SEMA3D: variants seen among roughly 807,000 people sequenced by gnomAD.
SEMA3D encodes the protein semaphorin-3D.
A neutral mutation model predicts 100.1 loss-of-function variants in SEMA3D; 84 were observed. The observed-to-expected ratio is 0.84, with a 90% CI of 0.70 to 1.01. The LOEUF (loss-of-function observed/expected upper bound fraction) is 1.01, where lower values mean the gene tolerates loss of function less well. Among genes scored for constraint, SEMA3D ranks in the 50% least tolerant of loss-of-function variants. The pLI, the probability that SEMA3D is intolerant of heterozygous loss-of-function variation, is 0.00. For synonymous variants in SEMA3D, 312 were observed against 320.7 expected (o/e 0.97, Z 0.29); for missense variants, 875 against 934.1 (o/e 0.94, Z 0.82).
the SEMA3D span, among the ~76,000 whole-genome samples, chr7:85,238,262 A>G: frequency 2.6e-5 from 4 of 152,250 alleles, no homozygotes; most frequent in Non-Finnish European, 5.9e-5. Context: ...TTAGTGTCAT[A>G]TCTAAAAAGT....
intron 3 of SEMA3D, among the ~76,000 whole-genome samples, chr7:85,108,886 A>G (rs1329320785): frequency 6.6e-6 from 1 of 151,448 alleles, no homozygotes; most frequent in Non-Finnish European, 1.5e-5. Flanking sequence ...TTTTCCCCTC[A>G]GCTTTTTTTT....
At chr7:85,057,360 T>C (rs938670991) in intron 8 of SEMA3D, among the ~76,000 whole-genome samples, 3 of 151,990 alleles carry the variant, frequency 2.0e-5, no homozygotes, top group African/African-American at 7.2e-5. Flanking sequence ...TATTGAGAAA[T>C]GAAGGAAAGA....
At chr7:85,215,248 C>T in the SEMA3D span, among the ~76,000 whole-genome samples, 2 of 151,850 alleles carry the variant, frequency 1.3e-5, no homozygotes, top group Non-Finnish European at 2.9e-5. Context: ...GTGCAAATCA[C>T]AGGGCTTGAA....
intron 4 of SEMA3D, among the ~76,000 whole-genome samples, chr7:85,090,644 T>C (rs558546007): frequency 1.3e-5 from 2 of 152,306 alleles, no homozygotes; most frequent in South Asian, 2.1e-4. Flanking sequence ...TCTTAGAAGC[T>C]AAAGCATTAG....
At chr7:85,162,353 C>T (rs1230885821) in intron 1 of SEMA3D, among the ~76,000 whole-genome samples, 1 of 152,030 alleles carries the variant, frequency 6.6e-6, no homozygotes, top group African/African-American at 2.4e-5. Flanking sequence ...AAACCACACC[C>T]TTATCATAAG....
Position 85,089,099 on chromosome 7 carries a change from C to G in SEMA3D, c.313-7520G>C, listed in dbSNP as rs536671357. ...GTGAATGTGAGTCCCTACTGCATCG[C>G]CGCTTGGTTTGTGACCTTAGGTAGG... On this transcript the variant is annotated intron_variant, in intron 4 of 18. Transcript: ENST00000284136. 2.4e-4 allele frequency among the ~76,000 whole-genome samples: 37 copies of G among 152,250 alleles called. 1 individual carries two copies. The highest frequency in any genetic ancestry group is 3.8e-4 in the Non-Finnish European group (26 of 68,022).
At chr7:85,243,486 T>C in the SEMA3D span, among the ~76,000 whole-genome samples, 1 of 152,304 alleles carries the variant, frequency 6.6e-6, no homozygotes, top group South Asian at 2.1e-4. Flanking sequence ...CTCTGTAAAT[T>C]GTGATTCTTG....
chr7:85,017,130 T>G (rs1240190086), intron 15 of SEMA3D, among the ~76,000 whole-genome samples: 1 of 151,630 alleles, frequency 6.6e-6, no homozygotes, highest in Non-Finnish European at 1.5e-5. Context: ...TTTGCAAAGA[T>G]TCTCCCCTTC....
At chr7:85,148,432 GTTC>G (rs1382371613) in intron 2 of SEMA3D, among the ~76,000 whole-genome samples, 5 of 152,288 alleles carry the variant, frequency 3.3e-5, no homozygotes, top group Admixed American at 1.3e-4. Flanking sequence ...TCATATTTGA[GTTC>G]TTCTAATAAT....
chr7:85,090,404 C>A (rs538101245), intron 4 of SEMA3D, among the ~76,000 whole-genome samples: 2 of 152,250 alleles, frequency 1.3e-5, no homozygotes, highest in East Asian at 3.9e-4. Context: ...GATTACTAGA[C>A]AGCATATGCT....
At chr7:85,101,571 T>C (rs561366968) in intron 3 of SEMA3D, among the ~76,000 whole-genome samples, 25 of 151,980 alleles carry the variant, frequency 1.6e-4, no homozygotes, top group Non-Finnish European at 3.2e-4. Flanking sequence ...ATAAGCCATG[T>C]TGGTGTGAGG....
rs369587566 is a variant in SEMA3D at position 85,038,712 on chromosome 7, G to C, written c.1047-1679C>G. 2.6e-5 allele frequency among the ~76,000 whole-genome samples: 4 copies of C among 152,234 alleles called. No homozygotes were observed. The East Asian group carries it at 7.8e-4, about 30-fold the overall frequency. ...AATTGGAAAGGTGCCAAGAGAACTAGGATTGAGATACTTGACCAGAGGCAC... is the reference window on the plus strand; with the variant it reads ...AATTGGAAAGGTGCCAAGAGAACTACGATTGAGATACTTGACCAGAGGCAC... On this transcript the variant is annotated intron_variant, in intron 11 of 18. Coordinates refer to ENST00000284136, the MANE Select transcript of SEMA3D (RefSeq NM_001384900.1).
intron 2 of SEMA3D, among the ~76,000 whole-genome samples, chr7:85,131,408 T>C (rs551835658): frequency 6.6e-6 from 1 of 152,086 alleles, no homozygotes; most frequent in Non-Finnish European, 1.5e-5. Context: ...GCACCTCTAA[T>C]GCTACTCATT....
chr7:85,238,244 T>C, the SEMA3D span, among the ~76,000 whole-genome samples: 3 of 152,208 alleles, frequency 2.0e-5, no homozygotes, highest in Non-Finnish European at 4.4e-5. Flanking sequence ...CTTTTATGCA[T>C]TGTACCTTTA....
the SEMA3D span, among the ~76,000 whole-genome samples, chr7:85,221,739 TTAAAA>T: frequency 6.6e-5 from 10 of 152,024 alleles, no homozygotes; most frequent in African/African-American, 2.4e-5. Flanking sequence ...AAAATCTCTC[TTAAAA>T]TAAACTTAAC....
At chr7:85,021,271 G>C (rs903041886) in intron 13 of SEMA3D, among the ~76,000 whole-genome samples, 9 of 151,740 alleles carry the variant, frequency 5.9e-5, no homozygotes, top group African/African-American at 2.2e-4. Context: ...TCTCAGTAAA[G>C]GTTAGATATT....
chr7:85,089,926 T>C (rs2116275960), intron 4 of SEMA3D, among the ~76,000 whole-genome samples: 1 of 152,096 alleles, frequency 6.6e-6, no homozygotes, highest in South Asian at 2.1e-4. Context: ...CCTACAAATA[T>C]GTATTGCATG....
At chr7:85,050,085 AC>A (rs1791120150) in intron 9 of SEMA3D, among the ~76,000 whole-genome samples, 1 of 143,026 alleles carries the variant, frequency 7.0e-6, no homozygotes, top group Non-Finnish European at 1.5e-5. Context: ...ACACACACAC[AC>A]ACACACACAC....
At position 85,104,567 on chromosome 7, in the gene SEMA3D, C is replaced by T. The variant is rs192356412; in HGVS notation, c.152-6602G>A. Reference sequence around the variant, plus strand: ...ATTCAGCCTGGGGAAACATTTGACCCGATGGTCTATATTCTTCCTCTTCAC... The same window carrying T: ...ATTCAGCCTGGGGAAACATTTGACCTGATGGTCTATATTCTTCCTCTTCAC... On this transcript the variant is annotated intron_variant, in intron 3 of 18. Transcript: ENST00000284136. 1.9e-3 allele frequency among the ~76,000 whole-genome samples: 286 copies of T among 151,944 alleles called. 1 individual carries two copies. The highest frequency in any genetic ancestry group is 3.0e-3 in the Non-Finnish European group (205 of 67,934).
Sources: gnomAD v4.1 joint callset for allele counts (sites outside exome capture counted in the v4.1 genomes callset) on GRCh38, gnomAD v4.1.1 for gene constraint, MANE v1.5 for transcripts, NCBI Gene and HGNC (gene_info 2026-07-23, HGNC 2026-07-21) for gene names.